The following CACNG8 variants were observed in gnomAD, a reference collection of about 807,000 sequenced individuals.
The protein encoded by CACNG8 is calcium voltage-gated channel auxiliary subunit gamma 8, also known as voltage-dependent calcium channel gamma-8 subunit.
A neutral mutation model predicts 26.9 loss-of-function variants in CACNG8; 5 were observed. The observed-to-expected ratio is 0.19, with a 90% CI of 0.10 to 0.39. The LOEUF (loss-of-function observed/expected upper bound fraction) is 0.39, where lower values mean the gene tolerates loss of function less well. Among genes scored for constraint, CACNG8 ranks in the 10% least tolerant of loss-of-function variants. CACNG8 has a pLI of 1.00. For missense variants in CACNG8, 473 were observed against 609.4 expected (o/e 0.78, Z 2.36); for synonymous variants, 321 against 296.7 (o/e 1.08, Z -0.84).
chr19:53,963,804 C>CTT (rs34483691), intron 1 of CACNG8, among the ~76,000 whole-genome samples: 1,498 of 128,122 alleles, frequency 0.012, 32 homozygotes, highest in African/African-American at 0.032. Flanking sequence ...TGCCTTTTCT[C>CTT]TTTTTTTTTT....
Position 53,985,466 on chromosome 19 carries a change from A to G in CACNG8, c.*2617A>G, listed in dbSNP as rs1169852687. 6.6e-6 allele frequency: 1 copy of G among 152,294 alleles called. No individual in the cohort carries two copies. The highest frequency in any genetic ancestry group is 1.5e-5 in the Non-Finnish European group (1 of 68,078). The allele number at this position is 152,294 out of a possible 1,614,324, so 9.4% of individuals were successfully genotyped here. A position where few individuals can be genotyped will look rare whatever the true frequency, so the allele number is the denominator to read the frequency against. On this transcript the variant is annotated 3_prime_UTR_variant, in exon 4 of 4. Coordinates refer to ENST00000270458, the MANE Select transcript of CACNG8 (RefSeq NM_031895.6). ...AGGAAGAGATGCTGGGAAATGTAGGAAAAGGAATACAAATCAGTGAGACGG... is the reference window on the plus strand; with the variant it reads ...AGGAAGAGATGCTGGGAAATGTAGGGAAAGGAATACAAATCAGTGAGACGG...
At chr19:53,966,338 T>A (rs2069272342) in intron 1 of CACNG8, among the ~76,000 whole-genome samples, 1 of 152,168 alleles carries the variant, frequency 6.6e-6, no homozygotes, top group Non-Finnish European at 1.5e-5. Flanking sequence ...TTGGCCCGCC[T>A]AGGCCTCCCA....
intron 1 of CACNG8, among the ~76,000 whole-genome samples, chr19:53,975,172 T>C (rs2069323750): frequency 2.0e-5 from 3 of 151,548 alleles, no homozygotes; most frequent in Admixed American, 1.3e-4. Flanking sequence ...TGGTCTCGAT[T>C]CTCTTGACCT....
chr19:53,971,078 G>A (rs533891616), intron 1 of CACNG8, among the ~76,000 whole-genome samples: 2 of 152,210 alleles, frequency 1.3e-5, no homozygotes, highest in Admixed American at 6.5e-5. Flanking sequence ...GATCACGTGA[G>A]GTCGGGAGTT....
chr19:53,972,963 C>T (rs1459638843), intron 1 of CACNG8, among the ~76,000 whole-genome samples: 1 of 152,136 alleles, frequency 6.6e-6, no homozygotes, highest in Non-Finnish European at 1.5e-5. Flanking sequence ...CTTCAACTCC[C>T]TATGCCTCCA....
chr19:53,972,724 A>T (rs564208382), intron 1 of CACNG8, among the ~76,000 whole-genome samples: 2 of 152,044 alleles, frequency 1.3e-5, no homozygotes, highest in South Asian at 4.2e-4. Context: ...ACCATCCTCA[A>T]TTTCCCAATG....
At chr19:53,975,671 A>T (rs746817894) in intron 1 of CACNG8, among the ~76,000 whole-genome samples, 6 of 152,050 alleles carry the variant, frequency 3.9e-5, no homozygotes, top group Admixed American at 1.3e-4. Context: ...GAGCCACCAC[A>T]CCTGGCCCAT....
chr19:53,981,067 C>T (rs2069364184), intron 3 of CACNG8, among the ~76,000 whole-genome samples: 1 of 151,902 alleles, frequency 6.6e-6, no homozygotes, highest in Non-Finnish European at 1.5e-5. Flanking sequence ...GGAGGTGGGG[C>T]CTAGAGTAGA....
chr19:53,973,594 A>T (rs539463015), intron 1 of CACNG8, among the ~76,000 whole-genome samples: 2 of 152,118 alleles, frequency 1.3e-5, no homozygotes, highest in Non-Finnish European at 2.9e-5. Flanking sequence ...TGGAAGGCCG[A>T]GGCAGGAGGA....
At chr19:53,981,934 C>CG (rs1293193425) in intron 3 of CACNG8, 146 bp from the exon 4 acceptor site, 1 of 738,966 alleles carries the variant, frequency 1.4e-6, no homozygotes, top group Non-Finnish European at 1.9e-6. Flanking sequence ...AGATCCAGGA[C>CG]GGGGGTCTAG....
intron 1 of CACNG8, among the ~76,000 whole-genome samples, chr19:53,964,762 C>T (rs753771737): frequency 2.6e-5 from 4 of 152,044 alleles, no homozygotes; most frequent in Non-Finnish European, 5.9e-5. Context: ...CAAGTAGCTG[C>T]GGGGCTGGGA....
In CACNG8 at chr19:53,982,930, G is replaced by C. The variant is rs2069383297; in HGVS notation, c.*81G>C. 1.0e-6 allele frequency: 1 copy of C among 997,860 alleles called. No individual in the cohort carries two copies. The highest frequency in any genetic ancestry group is 1.3e-6 in the Non-Finnish European group (1 of 796,780). 61.8% of individuals were successfully genotyped at this position (997,860 alleles called of 1,614,324 possible). On this transcript the variant is annotated 3_prime_UTR_variant, in exon 4 of 4. Coordinates refer to ENST00000270458, the MANE Select transcript of CACNG8 (RefSeq NM_031895.6). The surrounding 1 kb of genome is among the most constrained non-coding windows in gnomAD (Gnocchi z 8.4). ...CATCGAGGCTGCCGGGGTCGGGGGC[G>C]CCCCCGCTTTCCCCCGTGAGCGCGC...
intron 1 of CACNG8, among the ~76,000 whole-genome samples, chr19:53,966,738 G>A (rs527836728): frequency 3.0e-4 from 46 of 152,276 alleles, no homozygotes; most frequent in Admixed American, 2.5e-3. Flanking sequence ...CTTTAGATTC[G>A]GAGATGGGAG....
In CACNG8 at chr19:53,982,156, G is replaced by A; in HGVS notation, c.585G>A (p.Glu195=). The A allele has an allele frequency of 6.2e-7, 1 of 1,613,030 alleles. No individual in the cohort carries two copies. The highest frequency in any genetic ancestry group is 8.5e-7 in the Non-Finnish European group (1 of 1,179,524). ...AGCCGGGCCCGAAGCGGGACGAGGA[G>A]AAGAAAAACCACTACTCGTACGGCT... The change falls in exon 4 of 4, where the codon GAG becomes GAA. Residue 195 remains glutamate, a synonymous_variant. Transcript: ENST00000270458. This position sits in a 1 kb window ranked among gnomAD's most constrained non-coding sequence, Gnocchi z 8.4.
At chr19:53,978,929 T>C (rs1445166133) in intron 2 of CACNG8, among the ~76,000 whole-genome samples, 1 of 125,028 alleles carries the variant, frequency 8.0e-6, no homozygotes, top group East Asian at 2.6e-4. Context: ...ACCTGGAAGA[T>C]TGAAGAAACC....
At chr19:53,972,301 T>C (rs1255103536) in intron 1 of CACNG8, among the ~76,000 whole-genome samples, 1 of 150,748 alleles carries the variant, frequency 6.6e-6, no homozygotes, top group Non-Finnish European at 1.5e-5. Context: ...TGGTCTTCTG[T>C]GCCTTTCTTT....
intron 1 of CACNG8, among the ~76,000 whole-genome samples, chr19:53,973,319 C>T (rs1237653137): frequency 1.3e-5 from 2 of 151,968 alleles, no homozygotes; most frequent in African/African-American, 2.4e-5. Flanking sequence ...GCCAGGAGTT[C>T]GAGACCAGCC....
At chr19:53,971,058 G>T (rs1391001848) in intron 1 of CACNG8, among the ~76,000 whole-genome samples, 1 of 152,022 alleles carries the variant, frequency 6.6e-6, no homozygotes, top group African/African-American at 2.4e-5. Context: ...TTGGGAGGCC[G>T]AGGTGGGTGG....
chr19:53,976,647 C>A (rs1478526266), intron 1 of CACNG8, among the ~76,000 whole-genome samples: 1 of 151,876 alleles, frequency 6.6e-6, no homozygotes, highest in Non-Finnish European at 1.5e-5. Flanking sequence ...ATTCATTCTT[C>A]ATTCAACCCT....
Sources: allele counts gnomAD v4.1 joint callset (sites outside exome capture counted in the v4.1 genomes callset), GRCh38; gene constraint gnomAD v4.1.1; non-coding constraint Gnocchi (gnomAD v3.1); transcripts MANE v1.5; gene names NCBI Gene and HGNC (gene_info 2026-07-23, HGNC 2026-07-21).